The following ROBO2 variants were observed in gnomAD, a reference collection of about 807,000 sequenced individuals.
The protein encoded by ROBO2 is roundabout homolog 2.
A neutral mutation model predicts 160.8 loss-of-function variants in ROBO2; 53 were observed. The ratio of observed to expected loss-of-function variants is 0.33; its 90% CI spans 0.26 to 0.41. The LOEUF (loss-of-function observed/expected upper bound fraction) is 0.41, where lower values mean the gene tolerates loss of function less well. Ranked by LOEUF, ROBO2 falls within the 10% of genes least tolerant of loss-of-function variation. The pLI, the probability that ROBO2 is intolerant of heterozygous loss-of-function variation, is 1.00. For missense variants in ROBO2, 1,577 were observed against 1,722.4 expected, an observed-to-expected ratio of 0.92 and a Z score of 1.49; for synonymous variants, 664 against 611.7, an observed-to-expected ratio of 1.09 and a Z score of -1.26.
chr3:77,641,472 T>G (rs2095350364), intron 24 of ROBO2, among the ~76,000 whole-genome samples: 1 of 152,168 alleles, frequency 6.6e-6, no homozygotes, highest in Non-Finnish European at 1.5e-5. Context: ...AATTTATACT[T>G]TTTCCTTCTA....
rs147202234 is a variant in ROBO2, at chr3:76,048,015, A to C, written c.109+110413A>C. ...GTGATTTATCAGTGCATTGCTGCTGAATAACAATAGCTTTATTGAATGTCT... is the reference window on the plus strand; with the variant it reads ...GTGATTTATCAGTGCATTGCTGCTGCATAACAATAGCTTTATTGAATGTCT... On this transcript the variant is annotated intron_variant, in intron 2 of 26. Transcript: ENST00000487694. Among the ~76,000 whole-genome samples, 967 of 152,352 alleles carry C rather than the reference A, an allele frequency of 6.3e-3. 22 individuals carry two copies. Among genetic ancestry groups the C allele is most frequent in the African/African-American group, 0.022 (926 of 41,582 alleles).
intron 2 of ROBO2, among the ~76,000 whole-genome samples, chr3:76,125,776 T>C (rs1213929544): frequency 6.6e-6 from 1 of 152,122 alleles, no homozygotes; most frequent in East Asian, 1.9e-4. Context: ...TTAAACTAAA[T>C]GGTTTATCAC....
chr3:77,160,760 T>A (rs2078415772), intron 2 of ROBO2, among the ~76,000 whole-genome samples: 1 of 152,182 alleles, frequency 6.6e-6, no homozygotes, highest in African/African-American at 2.4e-5. Context: ...ATTCTGAGCA[T>A]GTAATTACTG....
chr3:76,558,076 T>C (rs1303302577), intron 2 of ROBO2, among the ~76,000 whole-genome samples: 1 of 152,042 alleles, frequency 6.6e-6, no homozygotes, highest in Non-Finnish European at 1.5e-5. Context: ...TTGTTTAAGA[T>C]AATATATTCA....
At chr3:77,373,559 A>G (rs1395252846) in intron 2 of ROBO2, among the ~76,000 whole-genome samples, 2 of 152,128 alleles carry the variant, frequency 1.3e-5, no homozygotes, top group Non-Finnish European at 1.5e-5. Context: ...TTTCTCAAAA[A>G]TAATAGTGTT....
intron 2 of ROBO2, among the ~76,000 whole-genome samples, chr3:76,107,914 T>A (rs936434281): frequency 6.6e-6 from 1 of 152,146 alleles, no homozygotes. Flanking sequence ...GAGATTGAGT[T>A]ATGAGTAATT....
chr3:76,159,833 G>A (rs556598114), intron 2 of ROBO2, among the ~76,000 whole-genome samples: 31 of 152,156 alleles, frequency 2.0e-4, no homozygotes, highest in Non-Finnish European at 3.7e-4. Context: ...TTTTTAGATT[G>A]TTAACTAAAG....
rs2064027485 is a variant in ROBO2, at chr3:77,316,679, T to TA, written c.389-160731dup. On this transcript the variant is annotated intron_variant, in intron 2 of 25. Coordinates refer to ENST00000461745, the Ensembl canonical transcript of ROBO2. ...TACTTGCATCCCAGTCATACAATAT[T>TA]AAAAGGTACACTAAATTCTGAAGGT... is the stretch of plus-strand genomic sequence containing the variant. The TA allele has an allele frequency of 9.5e-5, 68 of 718,328 alleles. No individual in the cohort carries two copies. The South Asian group carries it at 9.7e-4, about 10-fold the overall frequency. 44.5% of individuals were successfully genotyped at this position (718,328 alleles called of 1,614,324 possible).
chr3:77,100,498 A>G (rs995026024), intron 2 of ROBO2, among the ~76,000 whole-genome samples: 3 of 151,868 alleles, frequency 2.0e-5, no homozygotes, highest in African/African-American at 7.2e-5. Context: ...ACTAATATGT[A>G]TTTTCATAAA....
At chr3:76,369,810 T>G (rs1576722511) in intron 2 of ROBO2, among the ~76,000 whole-genome samples, 1 of 152,058 alleles carries the variant, frequency 6.6e-6, no homozygotes, top group Non-Finnish European at 1.5e-5. Flanking sequence ...CTACTAACAC[T>G]GCTCTGATTT....
intron 2 of ROBO2, among the ~76,000 whole-genome samples, chr3:77,311,545 G>A (rs956623519): frequency 6.6e-6 from 1 of 152,112 alleles, no homozygotes; most frequent in Admixed American, 6.5e-5. Context: ...AAACCACTGG[G>A]TCAGTGATTA....
At chr3:76,953,820 A>ATG (rs112746282) in intron 2 of ROBO2, among the ~76,000 whole-genome samples, 5,842 of 149,368 alleles carry the variant, frequency 0.039, 120 homozygotes, top group Middle Eastern at 0.08. Context: ...TCCTTTTTAA[A>ATG]TGTGTGTGTG....
intron 2 of ROBO2, among the ~76,000 whole-genome samples, chr3:77,003,585 G>C (rs1161691775): frequency 6.6e-6 from 1 of 152,092 alleles, no homozygotes; most frequent in East Asian, 1.9e-4. Flanking sequence ...TTTTGAGACA[G>C]AGTCTCACTC....
chr3:77,394,501 G>A (rs1054817237), intron 2 of ROBO2, among the ~76,000 whole-genome samples: 10 of 152,140 alleles, frequency 6.6e-5, no homozygotes, highest in African/African-American at 2.4e-4. Context: ...AGAAAGCAGA[G>A]CCAGTATCAC....
At chr3:76,434,077 A>G in intron 2 of ROBO2, 1 of 1,305,740 alleles carries the variant, frequency 7.7e-7, no homozygotes, top group Non-Finnish European at 1.1e-6. Flanking sequence ...TCCTGGAGGC[A>G]GTATCCCATA....
chr3:77,366,560 C>G (rs532799868), intron 2 of ROBO2, among the ~76,000 whole-genome samples: 3 of 152,122 alleles, frequency 2.0e-5, no homozygotes, highest in Non-Finnish European at 4.4e-5. Flanking sequence ...TCATAAGTGT[C>G]TCAGTCTGTT....
intron 2 of ROBO2, among the ~76,000 whole-genome samples, chr3:76,658,435 CA>C (rs1296305393): frequency 6.6e-6 from 1 of 151,982 alleles, no homozygotes; most frequent in Admixed American, 6.6e-5. Context: ...TTGCTGCACC[CA>C]TCAACTCGTC....
intron 2 of ROBO2, among the ~76,000 whole-genome samples, chr3:77,175,357 T>C (rs1560166010): frequency 6.6e-6 from 1 of 152,026 alleles, no homozygotes; most frequent in African/African-American, 2.4e-5. Context: ...CGGGGTTTTA[T>C]AGAGCATCAA....
intron 2 of ROBO2, among the ~76,000 whole-genome samples, chr3:77,168,316 C>T (rs2150716716): frequency 6.6e-6 from 1 of 152,246 alleles, no homozygotes; most frequent in Non-Finnish European, 1.5e-5. Flanking sequence ...ATTAAGAAAA[C>T]CTCATGGCTA....
Sources: allele counts gnomAD v4.1 joint callset (sites outside exome capture counted in the v4.1 genomes callset), GRCh38; gene constraint gnomAD v4.1.1; transcripts MANE v1.5; gene names NCBI Gene and HGNC (gene_info 2026-07-23, HGNC 2026-07-21).